TGFBR3: variants seen among roughly 807,000 people sequenced by gnomAD.
TGFBR3 encodes the protein transforming growth factor beta receptor type 3.
A neutral mutation model predicts 87.9 loss-of-function variants in TGFBR3; 46 were observed. The ratio of observed to expected loss-of-function variants is 0.52; its 90% CI spans 0.41 to 0.67. TGFBR3 has a LOEUF of 0.67. Among genes scored for constraint, TGFBR3 ranks in the 30% least tolerant of loss-of-function variants. TGFBR3 has a pLI of 0.00. For synonymous variants in TGFBR3, 381 were observed against 391.6 expected (o/e 0.97, Z 0.32); for missense variants, 866 against 1,041.9 (o/e 0.83, Z 2.32).
intron 14 of TGFBR3, among the ~76,000 whole-genome samples, chr1:91,707,937 A>G (rs1671850002): frequency 6.6e-6 from 1 of 152,046 alleles, no homozygotes; most frequent in Non-Finnish European, 1.5e-5. Context: ...CACTCCTAAC[A>G]TTTGTTAGGG....
chr1:91,712,671 CTTCT>C (rs1672023709), intron 12 of TGFBR3, 129 bp from the exon 13 acceptor site: 2 of 799,564 alleles, frequency 2.5e-6, no homozygotes, highest in Non-Finnish European at 4.1e-6. Flanking sequence ...TAGTTATAGC[CTTCT>C]TTCTAATTAC....
intron 6 of TGFBR3, among the ~76,000 whole-genome samples, chr1:91,728,504 T>C (rs1390633773): frequency 6.6e-6 from 1 of 152,134 alleles, no homozygotes; most frequent in Non-Finnish European, 1.5e-5. Flanking sequence ...AAAAAGAGAA[T>C]TTTTTACTAA....
intron 4 of TGFBR3, among the ~76,000 whole-genome samples, chr1:91,740,361 G>T (rs1169208817): frequency 2.0e-5 from 3 of 146,728 alleles, no homozygotes; most frequent in African/African-American, 7.6e-5. Context: ...ACCCAGCTGG[G>T]ATTACAATTT....
intron 16 of TGFBR3, among the ~76,000 whole-genome samples, chr1:91,684,890 G>A (rs1671038241): frequency 6.6e-6 from 1 of 152,144 alleles, no homozygotes. Flanking sequence ...AGAGGGCCAG[G>A]CCTGTTTATG....
At chr1:91,878,507 T>C (rs1456371824) in intron 1 of TGFBR3, among the ~76,000 whole-genome samples, 3 of 152,142 alleles carry the variant, frequency 2.0e-5, no homozygotes, top group Non-Finnish European at 2.9e-5. Flanking sequence ...ATTAGCAAAA[T>C]AGTATGATAC....
intron 2 of TGFBR3, among the ~76,000 whole-genome samples, chr1:91,817,381 T>C (rs1187416284): frequency 6.6e-6 from 1 of 152,206 alleles, no homozygotes; most frequent in Non-Finnish European, 1.5e-5. Context: ...CCAAGATCAG[T>C]TGCAAAAGAA....
intron 4 of TGFBR3, among the ~76,000 whole-genome samples, chr1:91,756,138 G>A (rs1202382413): frequency 1.9e-5 from 2 of 107,096 alleles, no homozygotes; most frequent in African/African-American, 6.8e-5. Flanking sequence ...TCCATAACCT[G>A]CCCACTGTGG....
At position 91,729,864 on chromosome 1, in the gene TGFBR3, C is replaced by T; in HGVS notation, c.678G>A (p.Gln226=). 1 of 1,614,188 alleles carries T rather than the reference C, an allele frequency of 6.2e-7. No individual in the cohort carries two copies. Among genetic ancestry groups the T allele is most frequent in the Non-Finnish European group, 8.5e-7 (1 of 1,180,022 alleles). Residue 226 remains glutamine, a synonymous_variant, in exon 6 of 17, where the codon CAG becomes CAA. Transcript: ENST00000212355. The stretch of plus-strand genomic sequence containing the variant: ...TGATGTGTACTTCCTCATTCTGGGG[C>T]TGGCTGGACATCACACACCCTTCTG... ...KAAEGCVMSS[Q]PQNEEVHIIE... is the part of the protein sequence containing the mutation.
intron 2 of TGFBR3, among the ~76,000 whole-genome samples, chr1:91,855,702 G>C (rs182429684): frequency 6.6e-6 from 1 of 152,256 alleles, no homozygotes; most frequent in African/African-American, 2.4e-5. Context: ...TTCAATAATA[G>C]TAATGTTATA....
intron 4 of TGFBR3, among the ~76,000 whole-genome samples, chr1:91,758,212 G>GTTAT (rs1353295943): frequency 6.6e-6 from 1 of 152,118 alleles, no homozygotes; most frequent in East Asian, 1.9e-4. Context: ...TTAGGCCTGT[G>GTTAT]TTATATACAA....
intron 6 of TGFBR3, chr1:91,728,064 C>T: frequency 1.9e-6 from 1 of 527,850 alleles, no homozygotes; most frequent in Non-Finnish European, 3.4e-6. Context: ...GAGGTGGTTA[C>T]TTAATGCAGC....
chr1:91,759,383 C>CAAAA (rs35600646), intron 3 of TGFBR3, among the ~76,000 whole-genome samples: 56 of 84,686 alleles, frequency 6.6e-4, no homozygotes, highest in Middle Eastern at 8.3e-3. Flanking sequence ...CAGCCCCTGT[C>CAAAA]AAAAAAAAAA....
chr1:91,782,521 G>A (rs1328312880), intron 3 of TGFBR3, among the ~76,000 whole-genome samples: 5 of 152,154 alleles, frequency 3.3e-5, no homozygotes, highest in Non-Finnish European at 7.3e-5. Flanking sequence ...CTTGCACATC[G>A]ACTGACCTGA....
chr1:91,824,377 A>T (rs1676557133), intron 2 of TGFBR3, among the ~76,000 whole-genome samples: 2 of 152,194 alleles, frequency 1.3e-5, no homozygotes, highest in African/African-American at 4.8e-5. Flanking sequence ...TAGTATGAGG[A>T]CTACAAACAG....
At position 91,716,379 on chromosome 1, in the gene TGFBR3, G is replaced by A; in HGVS notation, c.1723C>T (p.Gln575Ter). 1 of 1,614,160 alleles carries A rather than the reference G, an allele frequency of 6.2e-7. No individual in the cohort carries two copies. Among genetic ancestry groups the A allele is most frequent in the East Asian group, 2.2e-5 (1 of 44,878 alleles). ...PEIVVFNCSL[Q>*]QVRNPSSFQE... ...AAGCTGCTGGGGTTCCTCACCTGCT[G>A]AAGGCTGCAATTAAACTGGAAATAA... The change falls in exon 12 of 17, where the codon CAG (glutamine) becomes TAG (stop). Residue 575 changes from glutamine (Q) to a stop codon, truncating the protein, a stop_gained. Transcript: ENST00000212355. LOFTEE classifies it high-confidence loss of function.
intron 5 of TGFBR3, among the ~76,000 whole-genome samples, chr1:91,732,377 C>T (rs1393145251): frequency 6.6e-6 from 1 of 152,126 alleles, no homozygotes; most frequent in Non-Finnish European, 1.5e-5. Context: ...GGTCCCACCC[C>T]CAGAGTTCCT....
intron 4 of TGFBR3, among the ~76,000 whole-genome samples, chr1:91,745,333 A>T (rs1205861517): frequency 1.3e-5 from 2 of 152,236 alleles, no homozygotes; most frequent in East Asian, 3.8e-4. Flanking sequence ...AAAACAAGGA[A>T]AACAAAGAAA....
At chr1:91,729,150 TACACACACACACACACACACACAC>T (rs57364204) in intron 6 of TGFBR3, among the ~76,000 whole-genome samples, 12 of 66,854 alleles carry the variant, frequency 1.8e-4, no homozygotes, top group Non-Finnish European at 2.9e-4. Flanking sequence ...CACTCCAGCA[TACACACACACACACACACACACAC>T]ACACACACAC....
At chr1:91,897,275 G>A (rs1679573221) in intron 2 of TGFBR3, among the ~76,000 whole-genome samples, 1 of 152,222 alleles carries the variant, frequency 6.6e-6, no homozygotes, top group Admixed American at 6.5e-5. Context: ...ATGTGGCAAA[G>A]GGACAGCATC....
Sources: allele counts gnomAD v4.1 joint callset (sites outside exome capture counted in the v4.1 genomes callset), GRCh38; gene constraint gnomAD v4.1.1; transcripts MANE v1.5; gene names NCBI Gene and HGNC (gene_info 2026-07-23, HGNC 2026-07-21).